Variants in CTNNA3 observed in about 807,000 individuals in gnomAD.
CTNNA3 encodes catenin alpha-3.
CTNNA3 carries 76 observed loss-of-function variants against 95.7 expected under a neutral mutation model. The observed-to-expected ratio is 0.79, with a 90% CI of 0.66 to 0.96. The LOEUF (loss-of-function observed/expected upper bound fraction) is 0.96, where lower values mean the gene tolerates loss of function less well. Ranked by LOEUF, CTNNA3 falls within the 40% of genes least tolerant of loss-of-function variation. The probability of loss-of-function intolerance (pLI) is 0.00; values close to 1 mark genes in which losing one functional copy is unlikely to be tolerated. For missense variants in CTNNA3, 1,191 were observed against 1,089.8 expected (o/e 1.09, Z -1.31); for synonymous variants, 431 against 374.4 (o/e 1.15, Z -1.74).
At chr10:65,974,061 A>T (rs1302791114) in intron 16 of CTNNA3, among the ~76,000 whole-genome samples, 1 of 152,210 alleles carries the variant, frequency 6.6e-6, no homozygotes, top group African/African-American at 2.4e-5. Context: ...CACCAGTCAG[A>T]ATGGCTATTA....
In CTNNA3 at chr10:66,069,333, T is replaced by C. The variant is rs1055129880; in HGVS notation, c.2134A>G (p.Met712Val). ...IVLAKNMCMI[M>V]MEMTDFTRGK... ...CTAGTGAAGTCTGTCATCTCCATCATGATCATACACATGTTCTTGGCCAGA... is the reference window on the plus strand; with the variant it reads ...CTAGTGAAGTCTGTCATCTCCATCACGATCATACACATGTTCTTGGCCAGA... Residue 712 changes from methionine to valine, a missense_variant, in exon 15 of 18, where the codon ATG becomes GTG. By Grantham distance (21) the Met-to-Val change is conservative (BLOSUM62 1). Transcript: ENST00000433211. 1.2e-6 allele frequency: 2 copies of C among 1,613,556 alleles called. No individual in the cohort carries two copies. The highest frequency in any genetic ancestry group is 8.5e-7 in the Non-Finnish European group (1 of 1,179,652).
At chr10:66,228,583 C>T (rs2089437562) in intron 13 of CTNNA3, among the ~76,000 whole-genome samples, 1 of 152,042 alleles carries the variant, frequency 6.6e-6, no homozygotes, top group South Asian at 2.1e-4. Context: ...TGTGACCTAA[C>T]TTTGTGCTGA....
Position 66,524,852 on chromosome 10 carries a change from C to A in CTNNA3, c.1375-4079G>T, listed in dbSNP as rs919851389. Reference sequence around the variant, plus strand: ...ATCTCCTGAGGTCAGGAGTGCGAGACCAGACTGACCAATATGGAGAAACCT... The same window carrying A: ...ATCTCCTGAGGTCAGGAGTGCGAGAACAGACTGACCAATATGGAGAAACCT... On this transcript the variant is annotated intron_variant, in intron 10 of 17. Coordinates refer to ENST00000433211, the MANE Select transcript of CTNNA3 (RefSeq NM_013266.4). 2.6e-5 allele frequency among the ~76,000 whole-genome samples: 4 copies of A among 152,102 alleles called. No homozygotes were observed. The South Asian group carries it at 8.3e-4, about 32-fold the overall frequency.
At chr10:66,446,272 T>C (rs1164107376) in intron 11 of CTNNA3, among the ~76,000 whole-genome samples, 2 of 152,186 alleles carry the variant, frequency 1.3e-5, no homozygotes, top group African/African-American at 4.8e-5. Context: ...CCATTCCTTC[T>C]GAAACTATTC....
At chr10:66,963,080 A>G (rs911867152) in intron 7 of CTNNA3, among the ~76,000 whole-genome samples, 34 of 152,160 alleles carry the variant, frequency 2.2e-4, no homozygotes, top group Admixed American at 2.2e-3. Flanking sequence ...TGCCAAAACT[A>G]TATCATACTC....
intron 11 of CTNNA3, among the ~76,000 whole-genome samples, chr10:66,408,526 T>C (rs1237145868): frequency 1.3e-5 from 2 of 152,178 alleles, no homozygotes; most frequent in South Asian, 4.1e-4. Context: ...TATCTTTATA[T>C]CATCTTTTAA....
At chr10:67,133,378 T>TATATACACAC (rs1177119156) in intron 7 of CTNNA3, among the ~76,000 whole-genome samples, 25 of 133,900 alleles carry the variant, frequency 1.9e-4, no homozygotes, top group African/African-American at 5.1e-4. Flanking sequence ...TATATATATA[T>TATATACACAC]ACACACACAC....
chr10:66,990,603 C>G (rs1274000938), intron 7 of CTNNA3, among the ~76,000 whole-genome samples: 2 of 152,056 alleles, frequency 1.3e-5, no homozygotes, highest in Non-Finnish European at 2.9e-5. Flanking sequence ...ATAAAGAGGT[C>G]AAATGTTGCT....
At chr10:66,092,596 A>G (rs1412041093) in intron 14 of CTNNA3, among the ~76,000 whole-genome samples, 1 of 151,980 alleles carries the variant, frequency 6.6e-6, no homozygotes, top group Non-Finnish European at 1.5e-5. Flanking sequence ...ATGGCAGGCT[A>G]GGTTCACTAA....
intron 7 of CTNNA3, among the ~76,000 whole-genome samples, chr10:66,884,032 G>A (rs1018669507): frequency 6.6e-6 from 1 of 152,100 alleles, no homozygotes; most frequent in African/African-American, 2.4e-5. Context: ...AGGTGAAGGG[G>A]AGCTTGCATA....
At chr10:67,310,943 T>C (rs566990098) in intron 5 of CTNNA3, among the ~76,000 whole-genome samples, 18 of 152,348 alleles carry the variant, frequency 1.2e-4, no homozygotes, top group Non-Finnish European at 2.2e-4. Context: ...TACTGTATTT[T>C]ATAATAAAGA....
intron 6 of CTNNA3, among the ~76,000 whole-genome samples, chr10:67,191,960 T>C (rs1863138675): frequency 6.6e-6 from 1 of 151,932 alleles, no homozygotes; most frequent in South Asian, 2.1e-4. Flanking sequence ...TCAACTAATA[T>C]TCTGTAAAAG....
At chr10:67,190,811 AC>A (rs1342271008) in intron 6 of CTNNA3, among the ~76,000 whole-genome samples, 1 of 152,048 alleles carries the variant, frequency 6.6e-6, no homozygotes, top group Non-Finnish European at 1.5e-5. Context: ...AAAAAACAAG[AC>A]ACAGACTGGG....
intron 16 of CTNNA3, among the ~76,000 whole-genome samples, chr10:65,978,064 A>G (rs1490110722): frequency 6.6e-6 from 1 of 151,862 alleles, no homozygotes; most frequent in African/African-American, 2.4e-5. Context: ...TCTACTTTTA[A>G]TGCCTTTTTT....
intron 9 of CTNNA3, among the ~76,000 whole-genome samples, chr10:66,711,901 T>C (rs1488618116): frequency 6.6e-6 from 1 of 152,074 alleles, no homozygotes; most frequent in African/African-American, 2.4e-5. Flanking sequence ...CTTTCTTGTG[T>C]TTTTACTATT....
At chr10:66,734,907 G>A (rs1011474394) in intron 9 of CTNNA3, among the ~76,000 whole-genome samples, 10 of 150,990 alleles carry the variant, frequency 6.6e-5, no homozygotes, top group African/African-American at 2.2e-4. Flanking sequence ...ATTACATTAC[G>A]GAATCTTTTT....
At chr10:67,326,804 C>T (rs1480203823) in intron 5 of CTNNA3, among the ~76,000 whole-genome samples, 1 of 152,104 alleles carries the variant, frequency 6.6e-6, no homozygotes, top group East Asian at 1.9e-4. Flanking sequence ...TGGATGATAT[C>T]CTGAAATATA....
chr10:67,581,176 T>C (rs1417481883), intron 3 of CTNNA3, among the ~76,000 whole-genome samples: 1 of 152,246 alleles, frequency 6.6e-6, no homozygotes, highest in Non-Finnish European at 1.5e-5. Flanking sequence ...GCCCATTCAG[T>C]ATGATATTGG....
chr10:66,701,764 C>T (rs762649348), intron 9 of CTNNA3, among the ~76,000 whole-genome samples: 1 of 152,048 alleles, frequency 6.6e-6, no homozygotes, highest in African/African-American at 2.4e-5. Flanking sequence ...CTATCCAATA[C>T]ACTTGGAATC....
Sources: gnomAD v4.1 joint callset for allele counts (sites outside exome capture counted in the v4.1 genomes callset) on GRCh38, gnomAD v4.1.1 for gene constraint, MANE v1.5 for transcripts, NCBI Gene and HGNC (gene_info 2026-07-23, HGNC 2026-07-21) for gene names.